EPHA3: variants seen among roughly 807,000 people sequenced by gnomAD.
EPHA3 encodes the protein EPH receptor A3, also known as ephrin type-A receptor 3.
Under a neutral mutation model 107.1 loss-of-function variants are expected in EPHA3, and 42 were observed. That is an observed-to-expected ratio of 0.39 (90% confidence interval 0.31 to 0.51). EPHA3 has a LOEUF of 0.51. EPHA3 is among the 20% of genes least tolerant of loss of function. EPHA3 has a pLI of 0.78. For synonymous variants in EPHA3, 461 were observed against 424.8 expected (o/e 1.09, Z -1.05); for missense variants, 1,183 against 1,211.2 (o/e 0.98, Z 0.35).
intron 2 of EPHA3, among the ~76,000 whole-genome samples, chr3:89,208,480 A>AAGAAAGAAAGAG (rs1576231564): frequency 6.9e-6 from 1 of 145,884 alleles, no homozygotes; most frequent in Non-Finnish European, 1.5e-5. Flanking sequence ...GAAAGAAAGA[A>AAGAAAGAAAGAG]AGAGAAAAAG....
intron 11 of EPHA3, among the ~76,000 whole-genome samples, chr3:89,424,318 T>G (rs1473206513): frequency 6.6e-6 from 1 of 151,374 alleles, no homozygotes; most frequent in Non-Finnish European, 1.5e-5. Context: ...AAAAATAAAC[T>G]ATTTTAATTT....
At chr3:89,329,785 GC>G (rs1255112645) in intron 3 of EPHA3, among the ~76,000 whole-genome samples, 1 of 151,936 alleles carries the variant, frequency 6.6e-6, no homozygotes, top group Non-Finnish European at 1.5e-5. Context: ...TGTGGTATCT[GC>G]CCATGAGATT....
At chr3:89,378,630 C>T (rs1470420629) in intron 5 of EPHA3, among the ~76,000 whole-genome samples, 2 of 152,174 alleles carry the variant, frequency 1.3e-5, no homozygotes, top group East Asian at 1.9e-4. Context: ...TTTGAGAACA[C>T]TTGCTCTATA....
intron 13 of EPHA3, among the ~76,000 whole-genome samples, chr3:89,446,025 A>G (rs1361073092): frequency 6.6e-6 from 1 of 152,226 alleles, no homozygotes; most frequent in Non-Finnish European, 1.5e-5. Context: ...AAACACAACC[A>G]GAAGAGCAGA....
At chr3:89,195,183 T>C in intron 2 of EPHA3, among the ~76,000 whole-genome samples, 1 of 152,114 alleles carries the variant, frequency 6.6e-6, no homozygotes, top group East Asian at 1.9e-4. Flanking sequence ...ATGTTGACAT[T>C]ATTAGATTCT....
At chr3:89,188,209 C>G (rs1353118843) in intron 2 of EPHA3, among the ~76,000 whole-genome samples, 4 of 152,026 alleles carry the variant, frequency 2.6e-5, no homozygotes, top group African/African-American at 9.7e-5. Context: ...ATTGAAGAAA[C>G]AAATAGATGA....
At chr3:89,337,953 A>G (rs947439975) in intron 3 of EPHA3, among the ~76,000 whole-genome samples, 1 of 152,190 alleles carries the variant, frequency 6.6e-6, no homozygotes, top group African/African-American at 2.4e-5. Context: ...CCTTTCACTC[A>G]TGATCACATG....
chr3:89,376,648 C>T (rs1708410423), intron 5 of EPHA3, among the ~76,000 whole-genome samples: 1 of 151,976 alleles, frequency 6.6e-6, no homozygotes, highest in Admixed American at 6.6e-5. Flanking sequence ...CTCCTCTATA[C>T]TGCATGTCTT....
chr3:89,380,090 C>T (rs115828068), intron 5 of EPHA3, among the ~76,000 whole-genome samples: 2,430 of 152,134 alleles, frequency 0.016, 66 homozygotes, highest in African/African-American at 0.055. Context: ...TCTGTTTCCA[C>T]GCACATGGTG....
chr3:89,294,044 A>G (rs764744193), intron 3 of EPHA3, among the ~76,000 whole-genome samples: 5 of 152,192 alleles, frequency 3.3e-5, no homozygotes, highest in Non-Finnish European at 7.4e-5. Flanking sequence ...AAAGATTCTT[A>G]GTTCATACAT....
chr3:89,329,112 A>G (rs1576314844), intron 3 of EPHA3, among the ~76,000 whole-genome samples: 1 of 152,304 alleles, frequency 6.6e-6, no homozygotes. Context: ...ATGAAATTCT[A>G]AAAAGTAACT....
intron 2 of EPHA3, among the ~76,000 whole-genome samples, chr3:89,132,596 C>T (rs1375620706): frequency 1.3e-5 from 2 of 152,020 alleles, no homozygotes; most frequent in Non-Finnish European, 2.9e-5. Flanking sequence ...AAAAACTGAC[C>T]AGGTGGCTCA....
At chr3:89,456,718 G>A (rs986354850) in intron 15 of EPHA3, among the ~76,000 whole-genome samples, 1 of 152,156 alleles carries the variant, frequency 6.6e-6, no homozygotes, top group Non-Finnish European at 1.5e-5. Context: ...CATAATAAGG[G>A]AAGGACAGTT....
In EPHA3 at chr3:89,418,812, A is replaced by G. The variant is rs1340694377; in HGVS notation, c.1889-393A>G. On this transcript the variant is annotated intron_variant, in intron 10 of 16. Coordinates refer to ENST00000336596, the MANE Select transcript of EPHA3 (RefSeq NM_005233.6). The stretch of plus-strand genomic sequence containing the variant: ...AAACAGAATTGTTAAAATATCTGAA[A>G]TTTAATCCAATGCTCACATTTAATC... Among the ~76,000 whole-genome samples the G allele has an allele frequency of 3.3e-5, 5 of 151,444 alleles. No homozygotes were observed. The East Asian group carries it at 9.7e-4, about 29-fold the overall frequency.
intron 11 of EPHA3, among the ~76,000 whole-genome samples, chr3:89,419,735 A>C (rs1165029938): frequency 6.6e-6 from 1 of 151,420 alleles, no homozygotes; most frequent in Non-Finnish European, 1.5e-5. Flanking sequence ...GCTTGACAGG[A>C]ACTCCCAGCT....
At position 89,136,330 on chromosome 3, in the gene EPHA3, C is replaced by CTTTTTTTTTTT. The variant is rs67054298; in HGVS notation, c.153+9071_153+9081dup. 8.9e-3 allele frequency among the ~76,000 whole-genome samples: 207 copies of CTTTTTTTTTTT among 23,378 alleles called. 63 individuals carry two copies. The highest frequency in any genetic ancestry group is 0.022 in the African/African-American group (131 of 6,054). The allele number at this position is 23,378 out of a possible 152,430, so 15.3% of individuals were successfully genotyped here. A position where few individuals can be genotyped will look rare whatever the true frequency, so the allele number is the denominator to read the frequency against. On this transcript the variant is annotated intron_variant, in intron 2 of 16. Transcript: ENST00000336596. The stretch of plus-strand genomic sequence containing the variant: ...GAAAAACATGGCAAAATCTTACAGG[C>CTTTTTTTTTTT]TTTTTTTTTTTTTTTTTTTTTTTTG...
chr3:89,467,189 C>A (rs1710299396), intron 15 of EPHA3, among the ~76,000 whole-genome samples: 1 of 152,002 alleles, frequency 6.6e-6, no homozygotes, highest in Admixed American at 6.6e-5. Context: ...CCCTGAAATA[C>A]ATTGGGGAAA....
intron 13 of EPHA3, among the ~76,000 whole-genome samples, chr3:89,438,267 C>A (rs1003315812): frequency 6.6e-6 from 1 of 151,816 alleles, no homozygotes; most frequent in Non-Finnish European, 1.5e-5. Flanking sequence ...CATCACTACA[C>A]CCGGCTAATT....
At chr3:89,401,109 T>G (rs1361366077) in intron 7 of EPHA3, among the ~76,000 whole-genome samples, 4 of 152,182 alleles carry the variant, frequency 2.6e-5, no homozygotes, top group Non-Finnish European at 5.9e-5. Flanking sequence ...CTTTCAGGAT[T>G]GACCTAAAAA....
Sources: gnomAD v4.1 joint callset for allele counts (sites outside exome capture counted in the v4.1 genomes callset) on GRCh38, gnomAD v4.1.1 for gene constraint, MANE v1.5 for transcripts, NCBI Gene and HGNC (gene_info 2026-07-23, HGNC 2026-07-21) for gene names.